CDH19: variants seen among roughly 807,000 people sequenced by gnomAD.
CDH19 encodes cadherin 19, also known as cadherin-19.
In CDH19, 67 loss-of-function variants were observed where a neutral mutation model predicts 64.2. That is an observed-to-expected ratio of 1.04 (90% CI 0.86 to 1.28). CDH19 has a LOEUF of 1.28. Ranked by LOEUF, CDH19 falls within the 50% of genes most tolerant of loss-of-function variation. The probability of loss-of-function intolerance (pLI) is 0.00; values close to 1 mark genes in which losing one functional copy is unlikely to be tolerated. For missense variants in CDH19, 1,030 were observed against 929.0 expected (o/e 1.11, Z -1.41); for synonymous variants, 346 against 319.3 (o/e 1.08, Z -0.89).
rs1358161452 is a variant in CDH19 at position 66,501,087 on chromosome 18, G to GA, written c.*3724dup. ...TAACTACTCAGTACTAACCCATTTT[G>GA]AAAAATACTTTAATTCCATATTAAT... On this transcript the variant is annotated 3_prime_UTR_variant, in exon 12 of 12. Coordinates refer to ENST00000262150, the MANE Select transcript of CDH19 (RefSeq NM_021153.4). 1.1e-4 allele frequency: 16 copies of GA among 152,038 alleles called. 1 individual carries two copies. In the Middle Eastern group the frequency reaches 0.01, roughly 97 times the overall value. The allele number at this position is 152,038 out of a possible 1,614,324, so 9.4% of individuals were successfully genotyped here.
intron 1 of CDH19, among the ~76,000 whole-genome samples, chr18:66,602,382 G>T (rs554941534): frequency 6.6e-6 from 1 of 151,968 alleles, no homozygotes; most frequent in African/African-American, 2.4e-5. Flanking sequence ...GATGGATCTG[G>T]TTTCTTAATA....
At chr18:66,544,683 G>T (rs771917745) in intron 6 of CDH19, 36 bp downstream of exon 6, 4 of 1,407,144 alleles carry the variant, frequency 2.8e-6, no homozygotes, top group South Asian at 2.7e-5. Context: ...TTAATTTTGC[G>T]CTATTCTGCA....
chr18:66,506,196 GTT>G, intron 11 of CDH19, among the ~76,000 whole-genome samples: 1 of 152,078 alleles, frequency 6.6e-6, no homozygotes, highest in East Asian at 1.9e-4. Context: ...CTGAAGAGAG[GTT>G]ATTCAATTGG....
intron 1 of CDH19, among the ~76,000 whole-genome samples, chr18:66,596,609 T>C (rs895676839): frequency 3.3e-5 from 5 of 152,020 alleles, no homozygotes; most frequent in African/African-American, 1.2e-4. Context: ...GTGTAATTTC[T>C]CTATAATGAG....
At position 66,536,452 on chromosome 18, in the gene CDH19, T is replaced by C. The variant is rs563471691; in HGVS notation, c.1215-1345A>G. ...CCTAATAGAATTGTTGGAAAAATTATACAGTGTTTTAACAGTTGTTATTTT... is the reference window on the plus strand; with the variant it reads ...CCTAATAGAATTGTTGGAAAAATTACACAGTGTTTTAACAGTTGTTATTTT... On this transcript the variant is annotated intron_variant, in intron 7 of 11. Transcript: ENST00000262150. Among the ~76,000 whole-genome samples the C allele has an allele frequency of 3.5e-4, 53 of 151,894 alleles. 3 individuals are homozygous for C. The South Asian group carries it at 9.5e-3, about 27-fold the overall frequency.
intron 7 of CDH19, 47 bp downstream of exon 7, chr18:66,543,924 T>G: frequency 7.4e-7 from 1 of 1,348,830 alleles, no homozygotes; most frequent in Non-Finnish European, 1.0e-6. Context: ...TTTAATCTAT[T>G]TTATATTTAC....
chr18:66,537,642 T>G (rs1986726400), intron 7 of CDH19, among the ~76,000 whole-genome samples: 1 of 152,080 alleles, frequency 6.6e-6, no homozygotes, highest in South Asian at 2.1e-4. Flanking sequence ...TTAACATTTT[T>G]TAATACTTTC....
chr18:66,508,003 A>G (rs1235738871), intron 11 of CDH19, among the ~76,000 whole-genome samples: 1 of 151,932 alleles, frequency 6.6e-6, no homozygotes, highest in Non-Finnish European at 1.5e-5. Context: ...CTAAGTTTCC[A>G]TCAGTGAATT....
In CDH19 at chr18:66,538,600, C is replaced by A. The variant is rs776343463; in HGVS notation, c.1215-3493G>T. On this transcript the variant is annotated intron_variant, in intron 7 of 11. Transcript: ENST00000262150. ...TAAAGCTGCCATAAATGCTTGCATA[C>A]AGGTTTTCATGTCAAAATAAATACA... Among the ~76,000 whole-genome samples the A allele has an allele frequency of 1.0e-3, 150 of 150,504 alleles. 1 individual carries two copies. Among genetic ancestry groups the A allele is most frequent in the Non-Finnish European group, 1.7e-3 (116 of 68,002 alleles).
intron 1 of CDH19, among the ~76,000 whole-genome samples, chr18:66,588,794 G>A (rs1988657801): frequency 6.6e-6 from 1 of 151,394 alleles, no homozygotes; most frequent in African/African-American, 2.4e-5. Flanking sequence ...ATTACACAGT[G>A]TTTCACTTAA....
Position 66,501,660 on chromosome 18 carries a change from T to C in CDH19, c.*3152A>G, listed in dbSNP as rs913926625. 1.3e-5 allele frequency: 2 copies of C among 152,138 alleles called. No individual in the cohort carries two copies. The highest frequency in any genetic ancestry group is 4.8e-5 in the African/African-American group (2 of 41,438). The allele number at this position is 152,138 out of a possible 1,614,324, so 9.4% of individuals were successfully genotyped here. On this transcript the variant is annotated 3_prime_UTR_variant, in exon 12 of 12. Coordinates refer to ENST00000262150, the MANE Select transcript of CDH19 (RefSeq NM_021153.4). Reference sequence around the variant, plus strand: ...AATAGAATACCATTAGCTGTTGTTATAATAATTCACTGTTATTTATTGAGC... The same window carrying C: ...AATAGAATACCATTAGCTGTTGTTACAATAATTCACTGTTATTTATTGAGC...
chr18:66,596,899 G>A (rs986376786), intron 1 of CDH19, among the ~76,000 whole-genome samples: 3 of 150,100 alleles, frequency 2.0e-5, no homozygotes, highest in African/African-American at 7.3e-5. Flanking sequence ...CGGCTAAAAC[G>A]GTGAAACCCC....
chr18:66,551,892 T>C (rs770562545), intron 4 of CDH19, among the ~76,000 whole-genome samples: 1 of 151,962 alleles, frequency 6.6e-6, no homozygotes. Flanking sequence ...TTAAGACAGG[T>C]TCATAAGAGA....
chr18:66,562,873 C>T (rs1424448780), intron 3 of CDH19, among the ~76,000 whole-genome samples: 1 of 152,048 alleles, frequency 6.6e-6, no homozygotes, highest in African/African-American at 2.4e-5. Flanking sequence ...TTTATCCAAA[C>T]ATCAGATGTA....
intron 1 of CDH19, among the ~76,000 whole-genome samples, chr18:66,595,112 A>G (rs1489622161): frequency 1.3e-5 from 2 of 152,006 alleles, no homozygotes; most frequent in Non-Finnish European, 2.9e-5. Context: ...CAACAATGAA[A>G]TTAAGGCAGA....
chr18:66,546,536 A>C (rs1290118004), intron 5 of CDH19, among the ~76,000 whole-genome samples: 1 of 152,148 alleles, frequency 6.6e-6, no homozygotes, highest in Non-Finnish European at 1.5e-5. Flanking sequence ...ATACTTTCAA[A>C]AATTATTTTA....
chr18:66,602,253 A>C (rs181725600), intron 1 of CDH19, among the ~76,000 whole-genome samples: 47 of 152,136 alleles, frequency 3.1e-4, no homozygotes, highest in African/African-American at 1.1e-3. Flanking sequence ...TGTTTTAAAC[A>C]TAACATATAT....
intron 3 of CDH19, among the ~76,000 whole-genome samples, chr18:66,555,519 T>C (rs1987485606): frequency 6.6e-6 from 1 of 151,764 alleles, no homozygotes; most frequent in South Asian, 2.1e-4. Context: ...ATAATGCTAT[T>C]TAACATTTGT....
chr18:66,541,402 T>G (rs892450634), intron 7 of CDH19, among the ~76,000 whole-genome samples: 1 of 152,160 alleles, frequency 6.6e-6, no homozygotes, highest in Non-Finnish European at 1.5e-5. Context: ...GAAGAGATAT[T>G]ATCAAATTAA....
Sources: gnomAD v4.1 joint callset for allele counts (sites outside exome capture counted in the v4.1 genomes callset) on GRCh38, gnomAD v4.1.1 for gene constraint, MANE v1.5 for transcripts, NCBI Gene and HGNC (gene_info 2026-07-23, HGNC 2026-07-21) for gene names.